Variants in ORMDL3 observed in about 807,000 individuals in gnomAD.
ORMDL3 encodes the protein ORM1-like protein 3.
A neutral mutation model predicts 12.6 loss-of-function variants in ORMDL3; 6 were observed. The observed-to-expected ratio is 0.48, with a 90% CI of 0.26 to 0.94. The LOEUF is 0.94. Ranked by LOEUF, ORMDL3 falls within the 40% of genes least tolerant of loss-of-function variation. The pLI is 0.14. For synonymous variants in ORMDL3, 99 were observed against 87.2 expected, an observed-to-expected ratio of 1.14 and a Z score of -0.75; for missense variants, 159 against 205.5, an observed-to-expected ratio of 0.77 and a Z score of 1.38.
At chr17:39,927,373 C>G (rs1193730468) in intron 1 of ORMDL3, 111 bp downstream of exon 1, 1 of 765,948 alleles carries the variant, frequency 1.3e-6, no homozygotes. Flanking sequence ...CCCTCCACCC[C>G]CCACTCCCTC....
intron 1 of ORMDL3, chr17:39,927,129 T>G: frequency 3.9e-6 from 2 of 515,502 alleles, no homozygotes; most frequent in Non-Finnish European, 5.0e-6. Flanking sequence ...TCCCGCTCTG[T>G]TCCCCAGCCT....
intron 3 of ORMDL3, 121 bp from the exon 4 acceptor site, chr17:39,922,806 G>A: frequency 7.7e-7 from 1 of 1,300,954 alleles, no homozygotes; most frequent in Non-Finnish European, 1.0e-6. Flanking sequence ...GAGGTTCCCA[G>A]ACCAGCGTAA....
rs371170941 is a variant in ORMDL3 at position 39,924,132 on chromosome 17, G to A, written c.72C>T (p.Leu24=). 9.3e-6 allele frequency: 15 copies of A among 1,614,078 alleles called. No homozygotes were observed. In the African/African-American group the frequency reaches 1.6e-4, roughly 17 times the overall value. The change falls in exon 2 of 4, where the codon CTC becomes CTT. Residue 24 remains leucine, a synonymous_variant. Coordinates refer to ENST00000304046, the MANE Select transcript of ORMDL3 (RefSeq NM_139280.4). ...TRVMNSRGIW[L]SYVLAIGLLH... ...GGAGACCGATGGCCAGCACGTAGGA[G>A]AGCCAGATGCCACGGCTGTTCATCA... is the stretch of plus-strand genomic sequence containing the variant.
At chr17:39,923,716 G>C (rs1303458990) in intron 2 of ORMDL3, among the ~76,000 whole-genome samples, 1 of 152,116 alleles carries the variant, frequency 6.6e-6, no homozygotes, top group Non-Finnish European at 1.5e-5. Flanking sequence ...CAGGACTCTC[G>C]GGTCCTGGGA....
intron 2 of ORMDL3, among the ~76,000 whole-genome samples, chr17:39,923,605 G>A (rs1003269089): frequency 2.0e-5 from 3 of 152,146 alleles, no homozygotes; most frequent in Admixed American, 2.0e-4. Flanking sequence ...CCGACAAAGA[G>A]TGCAAGGTAG....
At position 39,922,495 on chromosome 17, in the gene ORMDL3, T is replaced by C. The variant is rs1978302999; in HGVS notation, c.*55A>G. ...TTTCTGTCTTCAGTGTTGCAGCACA[T>C]GCCTTTTACCCTACCCCTCCCCTGC... On this transcript the variant is annotated 3_prime_UTR_variant, in exon 4 of 4. Transcript: ENST00000304046. 5.7e-6 allele frequency: 9 copies of C among 1,567,994 alleles called. No homozygotes were observed. In the East Asian group the frequency reaches 1.8e-4, roughly 31 times the overall value.
intron 1 of ORMDL3, chr17:39,924,758 C>G (rs553815171): frequency 2.0e-5 from 3 of 152,584 alleles, no homozygotes; most frequent in Non-Finnish European, 4.4e-5. Context: ...CACTCACCTC[C>G]TCTGATTTTT....
At chr17:39,923,017 A>G in intron 3 of ORMDL3, 95 bp downstream of exon 3, 1 of 1,498,998 alleles carries the variant, frequency 6.7e-7, no homozygotes, top group Non-Finnish European at 9.2e-7. Flanking sequence ...TCCCTACACC[A>G]GGAGCCACGG....
At chr17:39,923,392 G>C (rs1416056057) in intron 2 of ORMDL3, 129 bp from the exon 3 acceptor site, 1 of 1,071,390 alleles carries the variant, frequency 9.3e-7, no homozygotes, top group Admixed American at 2.1e-5. Flanking sequence ...GGGGGATATG[G>C]GCTGGAGGTC....
chr17:39,927,538 T>G lies in ORMDL3; in HGVS notation c.-77A>C. 1 of 985,498 alleles carries G rather than the reference T, an allele frequency of 1.0e-6. No individual in the cohort carries two copies. The highest frequency in any genetic ancestry group is 4.7e-5 in the South Asian group (1 of 21,286). The allele number at this position is 985,498 out of a possible 1,614,324, so 61.0% of individuals were successfully genotyped here. On this transcript the variant is annotated 5_prime_UTR_variant, in exon 1 of 4. Coordinates refer to ENST00000304046, the MANE Select transcript of ORMDL3 (RefSeq NM_139280.4). ...AACGGTTCCCGGGAGCGGGGGCCGC[T>G]GCTGCTCCAGCAGCTGTAACAACCC...
At position 39,922,675 on chromosome 17, in the gene ORMDL3, T is replaced by G; in HGVS notation, c.337A>C (p.Thr113Pro). 6.2e-7 allele frequency: 1 copy of G among 1,613,728 alleles called. No homozygotes were observed. ...TGGTCGTACTTAGTGTAGAAGCTGG[T>G]GAGGAAGTACCTGGGAGGGGAAGGG... ...TITPIVLYFL[T>P]SFYTKYDQIH... is the part of the protein sequence containing the mutation. The change falls in exon 4 of 4, where the codon ACC becomes CCC. Residue 113 changes from threonine to proline, a missense_variant. Thr to Pro is a conservative substitution (Grantham distance 38, BLOSUM62 -1). Coordinates refer to ENST00000304046, the MANE Select transcript of ORMDL3 (RefSeq NM_139280.4).
chr17:39,924,496 G>C (rs979474376), intron 1 of ORMDL3, among the ~76,000 whole-genome samples: 1 of 152,150 alleles, frequency 6.6e-6, no homozygotes, highest in Non-Finnish European at 1.5e-5. Context: ...GTCATCAAGA[G>C]GCACGCAGCC....
At chr17:39,927,067 T>C (rs1306650629) in intron 1 of ORMDL3, 1 of 939,622 alleles carries the variant, frequency 1.1e-6, no homozygotes, top group Non-Finnish European at 1.3e-6. Flanking sequence ...GAGTCCTCAC[T>C]GTTGTTGGGG....
chr17:39,927,515 C>T lies in ORMDL3; in HGVS notation c.-54G>A. 2.0e-6 allele frequency: 2 copies of T among 985,374 alleles called. No homozygotes were observed. Among genetic ancestry groups the T allele is most frequent in the Non-Finnish European group, 2.4e-6 (2 of 829,934 alleles). 61.0% of individuals were successfully genotyped at this position (985,374 alleles called of 1,614,324 possible). ...GGGCCGAAGATCAACGGCCCGGGAA[C>T]GGTTCCCGGGAGCGGGGGCCGCTGC... On this transcript the variant is annotated 5_prime_UTR_variant, in exon 1 of 4. Transcript: ENST00000304046.
intron 1 of ORMDL3, 145 bp from the exon 2 acceptor site, chr17:39,924,370 G>A: frequency 1.3e-6 from 1 of 772,050 alleles, no homozygotes; most frequent in South Asian, 1.9e-5. Flanking sequence ...GGAAAGTGGA[G>A]AAAGTCCATG....
rs1191282507 is a variant in ORMDL3, at chr17:39,922,351, C to G, written c.*199G>C. The G allele has an allele frequency of 4.9e-6, 3 of 606,474 alleles. No homozygotes were observed. Among genetic ancestry groups the G allele is most frequent in the Non-Finnish European group, 8.5e-6 (3 of 353,376 alleles). 37.6% of individuals were successfully genotyped at this position (606,474 alleles called of 1,614,324 possible). A position where few individuals can be genotyped will look rare whatever the true frequency, so the allele number is the denominator to read the frequency against. Reference sequence around the variant, plus strand: ...CAAAAAATTCAGAAAAGGTCAGAGCCCAGGGGGCCTACCCCAACCCCACTA... The same window carrying G: ...CAAAAAATTCAGAAAAGGTCAGAGCGCAGGGGGCCTACCCCAACCCCACTA... On this transcript the variant is annotated 3_prime_UTR_variant, in exon 4 of 4. Transcript: ENST00000304046.
rs373132980 is a variant in ORMDL3, at chr17:39,923,212, C to A, written c.226G>T (p.Asp76Tyr). Residue 76 changes from aspartate to tyrosine, a missense_variant, in exon 3 of 4, where the codon GAC (aspartate) becomes TAC (tyrosine). Asp to Tyr is a radical substitution (Grantham distance 160). Coordinates refer to ENST00000304046, the MANE Select transcript of ORMDL3 (RefSeq NM_139280.4). The stretch of plus-strand genomic sequence containing the variant: ...GTTAGCAGCCTCGCCTTGCCCTGGT[C>A]CGGGGTCTCAAAGGGTGTCCCCTTC... ...TVKGTPFETP[D>Y]QGKARLLTHW... 30 of 1,614,084 alleles carry A rather than the reference C, an allele frequency of 1.9e-5. No homozygotes were observed. The highest frequency in any genetic ancestry group is 2.1e-5 in the Non-Finnish European group (25 of 1,180,028).
Position 39,922,223 on chromosome 17 carries a change from T to C in ORMDL3, c.*327A>G. ...AACAAGTGAGCAGGGGTTTTTCCCC[T>C]GGCCTCCTGTCGCAACTGCGTGGTC... On this transcript the variant is annotated 3_prime_UTR_variant, in exon 4 of 4. Coordinates refer to ENST00000304046, the MANE Select transcript of ORMDL3 (RefSeq NM_139280.4). The C allele has an allele frequency of 4.7e-6, 1 of 213,172 alleles. No homozygotes were observed. The highest frequency in any genetic ancestry group is 1.3e-4 in the South Asian group (1 of 7,982). The allele number at this position is 213,172 out of a possible 1,614,324, so 13.2% of individuals were successfully genotyped here. A position where few individuals can be genotyped will look rare whatever the true frequency, so the allele number is the denominator to read the frequency against.
At chr17:39,923,311 C>G (rs934693702) in intron 2 of ORMDL3, 48 bp from the exon 3 acceptor site, 3 of 1,593,198 alleles carry the variant, frequency 1.9e-6, no homozygotes, top group Non-Finnish European at 2.6e-6. Flanking sequence ...AAAGGCCCCC[C>G]TGCCCAGCTC....
Sources: allele counts gnomAD v4.1 joint callset (sites outside exome capture counted in the v4.1 genomes callset), GRCh38; gene constraint gnomAD v4.1.1; transcripts MANE v1.5; gene names NCBI Gene and HGNC (gene_info 2026-07-23, HGNC 2026-07-21).